The following FAM107B variants were observed in gnomAD, a reference collection of about 807,000 sequenced individuals.
FAM107B encodes the protein family with sequence similarity 107 member B.
In FAM107B, 21 loss-of-function variants were observed where a neutral mutation model predicts 31.5. That is an observed-to-expected ratio of 0.67 (90% CI 0.47 to 0.96). The LOEUF (loss-of-function observed/expected upper bound fraction) is 0.96. Among genes scored for constraint, FAM107B ranks in the 40% least tolerant of loss-of-function variants. The pLI, the probability that FAM107B is intolerant of heterozygous loss-of-function variation, is 0.00. For synonymous variants in FAM107B, 157 were observed against 141.5 expected (o/e 1.11, Z -0.78); for missense variants, 452 against 377.1 (o/e 1.20, Z -1.64).
At chr10:14,737,189 G>C (rs1856319658) in intron 1 of FAM107B, among the ~76,000 whole-genome samples, 1 of 152,112 alleles carries the variant, frequency 6.6e-6, no homozygotes, top group Non-Finnish European at 1.5e-5. Context: ...GGGCTCTTTT[G>C]TTAGGCTTGT....
At chr10:14,706,964 A>C (rs1855534728) in intron 1 of FAM107B, among the ~76,000 whole-genome samples, 1 of 151,932 alleles carries the variant, frequency 6.6e-6, no homozygotes, top group Admixed American at 6.5e-5. Flanking sequence ...GTATCTACTA[A>C]AAATAGAAAA....
chr10:14,590,517 T>G (rs1170446278), intron 2 of FAM107B, among the ~76,000 whole-genome samples: 1 of 152,220 alleles, frequency 6.6e-6, no homozygotes, highest in Admixed American at 6.5e-5. Flanking sequence ...AAACTGCGGA[T>G]GTAGTATGTC....
At chr10:14,686,001 A>C (rs1227308774) in intron 1 of FAM107B, among the ~76,000 whole-genome samples, 1 of 152,148 alleles carries the variant, frequency 6.6e-6, no homozygotes, top group Non-Finnish European at 1.5e-5. Context: ...GGACCTATTC[A>C]CTACCACGAG....
At chr10:14,714,054 G>A (rs1855723112) in intron 1 of FAM107B, among the ~76,000 whole-genome samples, 2 of 152,032 alleles carry the variant, frequency 1.3e-5, no homozygotes, top group East Asian at 3.8e-4. Flanking sequence ...AGGAAGGTGA[G>A]GATAAAAAAA....
intron 2 of FAM107B, among the ~76,000 whole-genome samples, chr10:14,635,423 A>C (rs1853473067): frequency 6.6e-6 from 1 of 152,168 alleles, no homozygotes; most frequent in Non-Finnish European, 1.5e-5. Flanking sequence ...CTACTTATTA[A>C]AACAAACAAA....
intron 1 of FAM107B, among the ~76,000 whole-genome samples, chr10:14,753,371 C>T (rs1011289967): frequency 2.6e-5 from 4 of 152,204 alleles, no homozygotes; most frequent in African/African-American, 4.8e-5. Flanking sequence ...CTTAAAACCC[C>T]GTTACATCAA....
chr10:14,773,836 T>C (rs1833358992), intron 1 of FAM107B, among the ~76,000 whole-genome samples: 1 of 152,222 alleles, frequency 6.6e-6, no homozygotes, highest in Non-Finnish European at 1.5e-5. Context: ...GAGGCAGTTT[T>C]GTGAATTCCC....
rs114382147 is a variant in FAM107B at position 14,754,608 on chromosome 10, C to T, written c.411+19645G>A. 9.6e-3 allele frequency among the ~76,000 whole-genome samples: 1,460 copies of T among 152,310 alleles called. 21 individuals are homozygous for T. The highest frequency in any genetic ancestry group is 0.034 in the African/African-American group (1,397 of 41,546). On this transcript the variant is annotated intron_variant, in intron 1 of 4. Transcript: ENST00000181796. ...GAGGGGAGTCAGCTTCTAAAGGGAG[C>T]TGACATCGTGAAAAGCAGAGGCCAC... is the stretch of plus-strand genomic sequence containing the variant.
chr10:14,689,576 C>T (rs760616897), intron 1 of FAM107B, among the ~76,000 whole-genome samples: 1 of 151,986 alleles, frequency 6.6e-6, no homozygotes, highest in African/African-American at 2.4e-5. Flanking sequence ...AGGACACATG[C>T]CAGTTAGGTG....
chr10:14,772,702 A>T (rs1030696833), intron 1 of FAM107B, among the ~76,000 whole-genome samples: 12 of 152,056 alleles, frequency 7.9e-5, no homozygotes, highest in African/African-American at 2.9e-4. Context: ...GGGCTTCCCA[A>T]CTGTAATCCA....
intron 3 of FAM107B, among the ~76,000 whole-genome samples, chr10:14,523,923 G>A (rs1475365335): frequency 6.7e-6 from 1 of 148,612 alleles, no homozygotes; most frequent in Admixed American, 6.7e-5. Context: ...CTGGAGTGCA[G>A]CGGCATGATC....
intron 2 of FAM107B, among the ~76,000 whole-genome samples, chr10:14,653,049 A>G (rs1276456819): frequency 2.0e-5 from 3 of 152,214 alleles, no homozygotes; most frequent in South Asian, 2.1e-4. Flanking sequence ...TTGGCTGAAC[A>G]CAAAACCAAG....
In FAM107B at chr10:14,518,656, C is replaced by A. The variant is rs1845346377; in HGVS notation, c.*2534G>T. The A allele has an allele frequency of 6.6e-6, 1 of 152,588 alleles. No homozygotes were observed. The highest frequency in any genetic ancestry group is 1.5e-5 in the Non-Finnish European group (1 of 68,032). The allele number at this position is 152,588 out of a possible 1,614,324, so 9.5% of individuals were successfully genotyped here. A position where few individuals can be genotyped will look rare whatever the true frequency, so the allele number is the denominator to read the frequency against. On this transcript the variant is annotated 3_prime_UTR_variant, in exon 5 of 5. Coordinates refer to ENST00000181796, the MANE Select transcript of FAM107B (RefSeq NM_031453.4). ...ATACTTTCCGTTAAAAACAATTATA[C>A]AAGAGCAAATACAAAAAATATTAAA...
chr10:14,555,391 T>C (rs756203396), intron 2 of FAM107B, among the ~76,000 whole-genome samples: 1 of 152,222 alleles, frequency 6.6e-6, no homozygotes, highest in Non-Finnish European at 1.5e-5. Flanking sequence ...AAGACATCTA[T>C]TATTTTAATT....
intron 2 of FAM107B, among the ~76,000 whole-genome samples, chr10:14,579,125 T>C (rs1330060075): frequency 6.6e-6 from 1 of 152,202 alleles, no homozygotes; most frequent in Non-Finnish European, 1.5e-5. Flanking sequence ...AGTCCATAAA[T>C]TGATTTTCTA....
intron 2 of FAM107B, among the ~76,000 whole-genome samples, chr10:14,594,147 G>T (rs896866364): frequency 1.3e-5 from 2 of 152,088 alleles, no homozygotes; most frequent in Non-Finnish European, 2.9e-5. Flanking sequence ...CTTCACAAAT[G>T]GATCACTTTA....
chr10:14,658,012 A>G lies in FAM107B; in HGVS notation c.469+9622T>C, dbSNP rs142962753. Among the ~76,000 whole-genome samples, 953 of 152,006 alleles carry G rather than the reference A, an allele frequency of 6.3e-3. 14 individuals carry two copies. Among genetic ancestry groups the G allele is most frequent in the African/African-American group, 0.022 (917 of 41,444 alleles). On this transcript the variant is annotated intron_variant, in intron 2 of 4. Transcript: ENST00000181796. ...TTTTTTTGTAGGTTGGGGTTTTGTC[A>G]TGTTGCTCAAGCTGGTCTCCAACTC...
rs146102855 is a variant in FAM107B, at chr10:14,639,231, T to A, written c.469+28403A>T. Among the ~76,000 whole-genome samples the A allele has an allele frequency of 3.0e-3, 451 of 152,222 alleles. 2 individuals are homozygous for A. Among genetic ancestry groups the A allele is most frequent in the African/African-American group, 0.01 (422 of 41,542 alleles). On this transcript the variant is annotated intron_variant, in intron 2 of 4. Coordinates refer to ENST00000181796, the MANE Select transcript of FAM107B (RefSeq NM_031453.4). ...AATAATAATTGTACCTACCTTTAAATATTCAGCTCATAGACAGCTTCCTCC... is the reference window on the plus strand; with the variant it reads ...AATAATAATTGTACCTACCTTTAAAAATTCAGCTCATAGACAGCTTCCTCC...
At chr10:14,719,267 G>A (rs1855856122) in intron 1 of FAM107B, among the ~76,000 whole-genome samples, 1 of 152,130 alleles carries the variant, frequency 6.6e-6, no homozygotes, top group African/African-American at 2.4e-5. Context: ...ATTCTCTCCT[G>A]GCCCTATTTT....
Sources: allele counts gnomAD v4.1 joint callset (sites outside exome capture counted in the v4.1 genomes callset), GRCh38; gene constraint gnomAD v4.1.1; transcripts MANE v1.5; gene names NCBI Gene and HGNC (gene_info 2026-07-23, HGNC 2026-07-21).